The following FBN1 variants were observed in gnomAD, a reference collection of about 807,000 sequenced individuals.
FBN1 encodes fibrillin-1.
A neutral mutation model predicts 365.1 loss-of-function variants in FBN1; 29 were observed. The ratio of observed to expected loss-of-function variants is 0.08; its 90% CI spans 0.06 to 0.11. FBN1 has a LOEUF of 0.11. FBN1 is among the 10% of genes least tolerant of loss of function. FBN1 has a pLI of 1.00. For missense variants in FBN1, 2,476 were observed against 3,703.2 expected, an observed-to-expected ratio of 0.67 and a Z score of 8.60; for synonymous variants, 1,210 against 1,270.5, an observed-to-expected ratio of 0.95 and a Z score of 1.01.
chr15:48,510,131 T>C lies in FBN1; in HGVS notation c.1627A>G (p.Asn543Asp). The change falls in exon 14 of 66, where the codon AAT (asparagine) becomes GAT (aspartate). Residue 543 changes from asparagine (N) to aspartate (D), a missense_variant. Asn to Asp is a conservative substitution (Grantham distance 23). Coordinates refer to ENST00000316623, the MANE Select transcript of FBN1 (RefSeq NM_000138.5). ...CCATCTGTGTTGATGCAGCGTCCAT[T>C]ATTGCAGATCCGGCCATTCTGTAAA... The part of the protein sequence containing the change: ...ECLQNGRICN[N>D]GRCINTDGSF... The C allele has an allele frequency of 6.2e-7, 1 of 1,613,476 alleles. No individual in the cohort carries two copies. The highest frequency in any genetic ancestry group is 2.2e-5 in the East Asian group (1 of 44,854).
At chr15:48,622,586 G>A (rs1889790274) in intron 2 of FBN1, among the ~76,000 whole-genome samples, 1 of 152,032 alleles carries the variant, frequency 6.6e-6, no homozygotes, top group Non-Finnish European at 1.5e-5. Context: ...ACTCCATTAG[G>A]ACAATATGGG....
chr15:48,513,774 A>G, intron 12 of FBN1, 106 bp from the exon 13 acceptor site: 1 of 1,253,172 alleles, frequency 8.0e-7, no homozygotes, highest in Non-Finnish European at 1.1e-6. Flanking sequence ...CTTTTGAGAA[A>G]TAAATAACAT....
chr15:48,619,727 T>C (rs1889729922), intron 2 of FBN1, among the ~76,000 whole-genome samples: 1 of 147,324 alleles, frequency 6.8e-6, no homozygotes, highest in Admixed American at 6.6e-5. Flanking sequence ...AACCCAAAGG[T>C]TTTTTTTAAG....
intron 53 of FBN1, 34 bp from the exon 54 acceptor site, chr15:48,434,747 T>G: frequency 1.2e-6 from 2 of 1,610,186 alleles, no homozygotes; most frequent in Non-Finnish European, 1.7e-6. Context: ...CAAAACATGA[T>G]GAATTGAGAT....
At chr15:48,430,854 C>A in intron 55 of FBN1, 52 bp from the exon 56 acceptor site, 1 of 1,574,324 alleles carries the variant, frequency 6.4e-7, no homozygotes, top group South Asian at 1.1e-5. Context: ...ATATATCTGC[C>A]TTAATTACCT....
intron 6 of FBN1, among the ~76,000 whole-genome samples, chr15:48,543,833 C>T (rs1001688527): frequency 8.5e-5 from 13 of 152,076 alleles, no homozygotes; most frequent in Admixed American, 2.6e-4. Flanking sequence ...GGTGTGATAA[C>T]GGTATTGTGG....
At chr15:48,523,710 TGG>T (rs537924722) in intron 9 of FBN1, among the ~76,000 whole-genome samples, 892 of 81,624 alleles carry the variant, frequency 0.011, 64 homozygotes, top group African/African-American at 0.05. Flanking sequence ...CAAGGGTGGC[TGG>T]GGGGGGGGGG....
In FBN1 at chr15:48,435,810, GTA is replaced by G. The variant is rs1164312097; in HGVS notation, c.6497-1099_6497-1098del. 4.6e-4 allele frequency among the ~76,000 whole-genome samples: 62 copies of G among 134,202 alleles called. 1 individual carries two copies. The highest frequency in any genetic ancestry group is 4.0e-3 in the South Asian group (16 of 4,002). 88.0% of individuals were successfully genotyped at this position (134,202 alleles called of 152,430 possible). The stretch of plus-strand genomic sequence containing the variant: ...TGTGTGTGTGTGTGTGTGTGTGTGT[GTA>G]TATATGCCTTCTAACCCATCCACCT... On this transcript the variant is annotated intron_variant, in intron 53 of 65. Coordinates refer to ENST00000316623, the MANE Select transcript of FBN1 (RefSeq NM_000138.5).
intron 53 of FBN1, among the ~76,000 whole-genome samples, chr15:48,435,668 G>A (rs1297736542): frequency 3.2e-5 from 4 of 125,216 alleles, no homozygotes; most frequent in South Asian, 2.6e-4. Context: ...GACCTAAAAT[G>A]TGTGTGTGTG....
intron 5 of FBN1, 95 bp downstream of exon 5, chr15:48,600,044 G>A: frequency 1.1e-6 from 1 of 899,842 alleles, no homozygotes; most frequent in Non-Finnish European, 1.9e-6. Flanking sequence ...CTGTGTCCCA[G>A]GTAATCGAAG....
intron 22 of FBN1, among the ~76,000 whole-genome samples, chr15:48,494,469 T>G (rs1302358435): frequency 6.6e-6 from 1 of 152,184 alleles, no homozygotes; most frequent in Non-Finnish European, 1.5e-5. Context: ...TCAATTCCAC[T>G]AAGATACTCC....
In FBN1 at chr15:48,558,850, T is replaced by G. The variant is rs142347610; in HGVS notation, c.539-21042A>C. On this transcript the variant is annotated intron_variant, in intron 6 of 65. Coordinates refer to ENST00000316623, the MANE Select transcript of FBN1 (RefSeq NM_000138.5). Reference sequence around the variant, plus strand: ...TGCTGTATAGCTCTGACTTGCTGGTTAAAGCTTAGTCAGTGAGCTATGGAG... The same window carrying G: ...TGCTGTATAGCTCTGACTTGCTGGTGAAAGCTTAGTCAGTGAGCTATGGAG... Among the ~76,000 whole-genome samples, 693 of 152,308 alleles carry G rather than the reference T, an allele frequency of 4.5e-3. 4 individuals carry two copies. The highest frequency in any genetic ancestry group is 0.016 in the African/African-American group (668 of 41,574).
chr15:48,620,123 T>C (rs1889738513), intron 2 of FBN1, among the ~76,000 whole-genome samples: 2 of 152,184 alleles, frequency 1.3e-5, no homozygotes, highest in South Asian at 2.1e-4. Context: ...CATAAAAACA[T>C]TGCTGAGCAA....
At chr15:48,462,954 T>C in intron 42 of FBN1, 128 bp downstream of exon 42, 3 of 907,124 alleles carry the variant, frequency 3.3e-6, no homozygotes, top group South Asian at 1.4e-5. Flanking sequence ...ATTTAAATCA[T>C]GAGCCGTTTT....
chr15:48,537,141 C>T (rs1284824286), intron 7 of FBN1, among the ~76,000 whole-genome samples: 1 of 152,072 alleles, frequency 6.6e-6, no homozygotes, highest in Non-Finnish European at 1.5e-5. Flanking sequence ...TTATTTTGGA[C>T]TTGTAAAAAA....
At chr15:48,564,531 C>T (rs1390832191) in intron 6 of FBN1, among the ~76,000 whole-genome samples, 1 of 151,320 alleles carries the variant, frequency 6.6e-6, no homozygotes, top group African/African-American at 2.4e-5. Flanking sequence ...CTAGGTATAT[C>T]TTTGCCTTCT....
At chr15:48,537,397 AAG>A (rs2044021740) in intron 7 of FBN1, among the ~76,000 whole-genome samples, 1 of 152,162 alleles carries the variant, frequency 6.6e-6, no homozygotes, top group South Asian at 2.1e-4. Context: ...TGGGGTCAGA[AAG>A]GGGGAATGGT....
At chr15:48,531,885 G>GA (rs1452230153) in intron 8 of FBN1, among the ~76,000 whole-genome samples, 2 of 151,648 alleles carry the variant, frequency 1.3e-5, no homozygotes, top group African/African-American at 4.8e-5. Flanking sequence ...GGAAAAGAAG[G>GA]AAAAAACCAT....
chr15:48,590,684 G>A (rs1191752103), intron 6 of FBN1, among the ~76,000 whole-genome samples: 16 of 152,174 alleles, frequency 1.1e-4, no homozygotes, highest in Admixed American at 1.0e-3. Context: ...CATTAAGACT[G>A]TAATTTCCTA....
Sources: gnomAD v4.1 joint callset for allele counts (sites outside exome capture counted in the v4.1 genomes callset) on GRCh38, gnomAD v4.1.1 for gene constraint, MANE v1.5 for transcripts, NCBI Gene and HGNC (gene_info 2026-07-23, HGNC 2026-07-21) for gene names.